The following STAM variants were observed in gnomAD, a reference collection of about 807,000 sequenced individuals.
STAM encodes the protein signal transducing adaptor molecule, also known as signal transducing adapter molecule 1.
STAM carries 16 observed loss-of-function variants against 63.4 expected under a neutral mutation model. That is an observed-to-expected ratio of 0.25 (90% CI 0.17 to 0.38). The LOEUF is 0.38. Ranked by LOEUF, STAM falls within the 10% of genes least tolerant of loss-of-function variation. STAM has a pLI of 1.00. For missense variants in STAM, 636 were observed against 657.1 expected, an observed-to-expected ratio of 0.97 and a Z score of 0.35; for synonymous variants, 238 against 223.9, an observed-to-expected ratio of 1.06 and a Z score of -0.56.
At chr10:17,669,674 G>A (rs985600557) in intron 2 of STAM, among the ~76,000 whole-genome samples, 44 of 150,512 alleles carry the variant, frequency 2.9e-4, no homozygotes, top group Non-Finnish European at 5.0e-4. Context: ...TCACTGATTG[G>A]GAATTTCCCT....
intron 2 of STAM, among the ~76,000 whole-genome samples, chr10:17,680,416 CTT>C (rs369061075): frequency 0.077 from 10,969 of 142,212 alleles, 408 homozygotes; most frequent in Middle Eastern, 0.13. Context: ...TTTGACTACT[CTT>C]TTTTTTTTTT....
intron 13 of STAM, among the ~76,000 whole-genome samples, chr10:17,712,492 TAATA>T (rs1431700791): frequency 6.6e-6 from 1 of 152,230 alleles, no homozygotes; most frequent in African/African-American, 2.4e-5. Flanking sequence ...CCGTCTCTTA[TAATA>T]AATTACCATC....
chr10:17,688,083 A>G lies in STAM; in HGVS notation c.354A>G (p.Glu118=). ...LKALMVEWTD[E]FKNDPQLSLI... The stretch of plus-strand genomic sequence containing the variant: ...CTCTTATGGTTGAATGGACAGATGA[A>G]TTTAAGAATGATCCACAGCTTAGTC... The change falls in exon 5 of 14, where the codon GAA becomes GAG. Residue 118 remains glutamate, a synonymous_variant. Coordinates refer to ENST00000377524, the MANE Select transcript of STAM (RefSeq NM_003473.4). 6.2e-7 allele frequency: 1 copy of G among 1,610,904 alleles called. No homozygotes were observed.
chr10:17,663,212 C>T (rs1471641386), intron 2 of STAM, among the ~76,000 whole-genome samples: 1 of 152,036 alleles, frequency 6.6e-6, no homozygotes, highest in Non-Finnish European at 1.5e-5. Context: ...GTTATTCTCC[C>T]AGAAATGTTT....
At chr10:17,645,533 G>A (rs1205077906) in intron 1 of STAM, among the ~76,000 whole-genome samples, 1 of 152,008 alleles carries the variant, frequency 6.6e-6, no homozygotes, top group African/African-American at 2.4e-5. Context: ...TTTAAAGAGG[G>A]GAAAACACAT....
chr10:17,714,636 C>T lies in STAM; in HGVS notation c.1479C>T (p.Ala493=), dbSNP rs1466399915. The part of the protein sequence containing the change: ...PPAATAAAAT[A]DVTLYQNAGP... ...CCGCTACTGCTGCTGCTGCAACTGCCGATGTCACTCTGTACCAGAATGCAG... is the reference window on the plus strand; with the variant it reads ...CCGCTACTGCTGCTGCTGCAACTGCTGATGTCACTCTGTACCAGAATGCAG... The change falls in exon 14 of 14, where the codon GCC becomes GCT. Residue 493 remains alanine, a synonymous_variant. Transcript: ENST00000377524. 5.0e-6 allele frequency: 8 copies of T among 1,613,978 alleles called. No homozygotes were observed. The African/African-American group carries it at 5.3e-5, about 11-fold the overall frequency.
At chr10:17,692,022 C>G (rs745496250) in intron 5 of STAM, among the ~76,000 whole-genome samples, 4 of 152,092 alleles carry the variant, frequency 2.6e-5, no homozygotes, top group Non-Finnish European at 5.9e-5. Context: ...CTGAATGAGC[C>G]CATCTCATCT....
chr10:17,669,336 G>T (rs1834529268), intron 2 of STAM, among the ~76,000 whole-genome samples: 1 of 148,960 alleles, frequency 6.7e-6, no homozygotes, highest in Admixed American at 6.7e-5. Context: ...TTGACATTTG[G>T]TAGGATATGG....
chr10:17,692,931 T>C (rs1835602870), intron 5 of STAM, among the ~76,000 whole-genome samples: 1 of 152,182 alleles, frequency 6.6e-6, no homozygotes, highest in Non-Finnish European at 1.5e-5. Context: ...TGAAATCTTC[T>C]CTAGTCTGTC....
chr10:17,650,479 GGT>G (rs1267851651), intron 1 of STAM, among the ~76,000 whole-genome samples: 1 of 152,112 alleles, frequency 6.6e-6, no homozygotes, highest in Non-Finnish European at 1.5e-5. Context: ...TTTGATAGTT[GGT>G]ACCTAAGTTT....
intron 11 of STAM, among the ~76,000 whole-genome samples, 168 bp from the exon 12 acceptor site, chr10:17,705,420 T>A (rs961548881): frequency 6.6e-6 from 1 of 152,212 alleles, no homozygotes; most frequent in African/African-American, 2.4e-5. Context: ...TTAAACAGTT[T>A]GGGTTGCTTC....
At chr10:17,713,807 T>C (rs193299456) in intron 13 of STAM, among the ~76,000 whole-genome samples, 1 of 152,186 alleles carries the variant, frequency 6.6e-6, no homozygotes, top group Non-Finnish European at 1.5e-5. Flanking sequence ...TGTGGAATCT[T>C]ATCACGCTTC....
In STAM at chr10:17,684,960, G is replaced by T. The variant is rs782289861; in HGVS notation, c.297+33G>T. On this transcript the variant is annotated intron_variant, in intron 4 of 13. Transcript: ENST00000377524. ...GCATTATTTCCAGAAATTAATTAAGGCAGTCTTCTTTCTTCACATATTTTA... is the reference window on the plus strand; with the variant it reads ...GCATTATTTCCAGAAATTAATTAAGTCAGTCTTCTTTCTTCACATATTTTA... The T allele has an allele frequency of 1.4e-5, 21 of 1,535,324 alleles. No homozygotes were observed. In the Admixed American group the frequency reaches 1.4e-4, roughly 10 times the overall value.
intron 2 of STAM, among the ~76,000 whole-genome samples, chr10:17,671,052 G>T (rs572803834): frequency 6.6e-6 from 1 of 152,216 alleles, no homozygotes; most frequent in East Asian, 1.9e-4. Flanking sequence ...AGTATTCAAG[G>T]AGCATTCATA....
chr10:17,681,107 A>G (rs183334656), intron 2 of STAM, among the ~76,000 whole-genome samples: 11 of 151,426 alleles, frequency 7.3e-5, no homozygotes, highest in Non-Finnish European at 1.0e-4. Context: ...AAGTGTTTCA[A>G]TTTCTCCACA....
chr10:17,705,556 G>T (rs900993728), intron 11 of STAM, 32 bp from the exon 12 acceptor site: 4 of 1,596,236 alleles, frequency 2.5e-6, no homozygotes, highest in Non-Finnish European at 3.4e-6. Flanking sequence ...TTTAGTAACA[G>T]CTATGCTTCA....
At chr10:17,663,233 T>C (rs1834244204) in intron 2 of STAM, among the ~76,000 whole-genome samples, 1 of 152,170 alleles carries the variant, frequency 6.6e-6, no homozygotes, top group African/African-American at 2.4e-5. Flanking sequence ...ATTATTATTT[T>C]CCCTATTTTA....
chr10:17,685,615 C>G (rs776166144), intron 4 of STAM, among the ~76,000 whole-genome samples: 1 of 152,184 alleles, frequency 6.6e-6, no homozygotes, highest in African/African-American at 2.4e-5. Context: ...TAGCAACATA[C>G]TTGATCTTTT....
Position 17,716,755 on chromosome 10 carries a change from C to A in STAM, c.*1975C>A, listed in dbSNP as rs962712942. On this transcript the variant is annotated 3_prime_UTR_variant, in exon 14 of 14. Transcript: ENST00000377524. ...ATAGAAAAAACTACCCTTATTACAA[C>A]CCATATACATTTTTCTTTACCTTTT... 2.6e-5 allele frequency among the ~76,000 whole-genome samples: 4 copies of A among 152,266 alleles called. No individual in the cohort carries two copies. Among genetic ancestry groups the A allele is most frequent in the African/African-American group, 7.2e-5 (3 of 41,552 alleles).
Sources: allele counts gnomAD v4.1 joint callset (sites outside exome capture counted in the v4.1 genomes callset), GRCh38; gene constraint gnomAD v4.1.1; transcripts MANE v1.5; gene names NCBI Gene and HGNC (gene_info 2026-07-23, HGNC 2026-07-21).